VCAM1: variants seen among roughly 807,000 people sequenced by gnomAD.
VCAM1 encodes vascular cell adhesion molecule 1, also known as vascular cell adhesion protein 1.
VCAM1 carries 41 observed loss-of-function variants against 63.8 expected under a neutral mutation model. The observed-to-expected ratio is 0.64, with a 90% CI of 0.50 to 0.83. The LOEUF (loss-of-function observed/expected upper bound fraction) is 0.83. Among genes scored for constraint, VCAM1 ranks in the 40% least tolerant of loss-of-function variants. The pLI is 0.00. For missense variants in VCAM1, 798 were observed against 875.5 expected, an observed-to-expected ratio of 0.91 and a Z score of 1.12; for synonymous variants, 338 against 320.7, an observed-to-expected ratio of 1.05 and a Z score of -0.58.
At position 100,731,265 on chromosome 1, in the gene VCAM1, C is replaced by G. The variant is rs779131811; in HGVS notation, c.1272C>G (p.Ser424Arg). The change falls in exon 6 of 9, where the codon AGC becomes AGG. Residue 424 changes from serine to arginine, a missense_variant. Coordinates refer to ENST00000294728, the MANE Select transcript of VCAM1 (RefSeq NM_001078.4). The surrounding 1 kb of genome is among the most constrained non-coding windows in gnomAD (Gnocchi z 4.2). ...GLVNGSSVTV[S>R]CKVPSVYPLD... ...TGAATGGGAGCTCTGTCACTGTAAGCTGCAAGGTTCCTAGCGTGTACCCCC... is the reference window on the plus strand; with the variant it reads ...TGAATGGGAGCTCTGTCACTGTAAGGTGCAAGGTTCCTAGCGTGTACCCCC... 1.9e-5 allele frequency: 31 copies of G among 1,613,578 alleles called. No individual in the cohort carries two copies. The highest frequency in any genetic ancestry group is 2.5e-5 in the Non-Finnish European group (30 of 1,179,790).
In VCAM1 at chr1:100,732,484, A is replaced by G; in HGVS notation, c.1592A>G (p.Asn531Ser). The G allele has an allele frequency of 6.2e-7, 1 of 1,612,746 alleles. No individual in the cohort carries two copies. The highest frequency in any genetic ancestry group is 1.1e-5 in the South Asian group (1 of 90,676). ...ATCCTGGAGGAAGGCAGTTCTGTGA[A>G]TATGACATGCTTGAGCCAGGGCTTT... ...SSILEEGSSVNMTCLSQGFPA... is the reference protein window; with the variant it reads ...SSILEEGSSVSMTCLSQGFPA... The change falls in exon 7 of 9, where the codon AAT (asparagine) becomes AGT (serine). Residue 531 changes from asparagine to serine, a missense_variant. By Grantham distance (46) the Asn-to-Ser change is conservative. Transcript: ENST00000294728.
In VCAM1 at chr1:100,732,534, A is replaced by G; in HGVS notation, c.1642A>G (p.Arg548Gly). Residue 548 changes from arginine to glycine, a missense_variant, in exon 7 of 9, where the codon AGG becomes GGG. Arg to Gly is a moderately radical substitution (Grantham distance 125, BLOSUM62 -2). Coordinates refer to ENST00000294728, the MANE Select transcript of VCAM1 (RefSeq NM_001078.4). ...GFPAPKILWSRQLPNGELQPL... is the reference protein window; with the variant it reads ...GFPAPKILWSGQLPNGELQPL... The stretch of plus-strand genomic sequence containing the variant: ...TCCTGCTCCGAAAATCCTGTGGAGC[A>G]GGCAGCTCCCTAACGGGGAGCTACA... The G allele has an allele frequency of 6.2e-7, 1 of 1,613,026 alleles. No homozygotes were observed.
At chr1:100,737,971 A>G in intron 8 of VCAM1, 152 bp from the exon 9 acceptor site, 3 of 753,982 alleles carry the variant, frequency 4.0e-6, no homozygotes, top group South Asian at 1.9e-5. Flanking sequence ...TCAGACAAAC[A>G]TGCATCTTGG....
chr1:100,730,894 T>C (rs1454923796), intron 5 of VCAM1, among the ~76,000 whole-genome samples: 1 of 152,118 alleles, frequency 6.6e-6, no homozygotes, highest in Non-Finnish European at 1.5e-5. Flanking sequence ...TGGTGGAAAC[T>C]GATGTATACT....
rs375366095 is a variant in VCAM1, at chr1:100,724,383, G to C, written c.662-241G>C. On this transcript the variant is annotated intron_variant, in intron 3 of 8. Coordinates refer to ENST00000294728, the MANE Select transcript of VCAM1 (RefSeq NM_001078.4). ...CCTTAAGTGGGAGGTTAAGCCACAT[G>C]GTTTTTCTTAATTTCTGAGTATCTA... 4.5e-4 allele frequency among the ~76,000 whole-genome samples: 68 copies of C among 152,038 alleles called. 2 individuals are homozygous for C. In the South Asian group the frequency reaches 0.014, roughly 32 times the overall value.
Position 100,731,616 on chromosome 1 carries a change from G to A in VCAM1, c.1525+98G>A. 1 of 1,184,924 alleles carries A rather than the reference G, an allele frequency of 8.4e-7. No individual in the cohort carries two copies. The highest frequency in any genetic ancestry group is 1.2e-6 in the Non-Finnish European group (1 of 857,936). The allele number at this position is 1,184,924 out of a possible 1,614,324, so 73.4% of individuals were successfully genotyped here. On this transcript the variant is annotated intron_variant, in intron 6 of 8. Coordinates refer to ENST00000294728, the MANE Select transcript of VCAM1 (RefSeq NM_001078.4). The surrounding 1 kb of genome is among the most constrained non-coding windows in gnomAD (Gnocchi z 4.2). ...TAAGGTTAATCGTTAAAACCTCTGT[G>A]GAGAAAAAACGTTACTGAAAAGAAA...
rs554764015 is a variant in VCAM1 at position 100,725,456 on chromosome 1, C to T, written c.928+566C>T. 5.9e-5 allele frequency among the ~76,000 whole-genome samples: 9 copies of T among 152,142 alleles called. No homozygotes were observed. The East Asian group carries it at 1.7e-3, about 30-fold the overall frequency. On this transcript the variant is annotated intron_variant, in intron 4 of 8. Transcript: ENST00000294728. ...TCTGGCACTTTCCATATGCCATCCT[C>T]AAGAAATAACTAAAAAGTAAGTATT...
At chr1:100,737,857 C>A in intron 8 of VCAM1, 1 of 249,966 alleles carries the variant, frequency 4.0e-6, no homozygotes, top group Non-Finnish European at 7.7e-6. Flanking sequence ...TTCCATTTTA[C>A]AACTGAACCT....
chr1:100,734,720 A>G lies in VCAM1; in HGVS notation c.2011A>G (p.Lys671Glu). Residue 671 changes from lysine (K) to glutamate (E), a missense_variant, in exon 8 of 9, where the codon AAA becomes GAA. Lys to Glu is a moderately conservative substitution (Grantham distance 56). Coordinates refer to ENST00000294728, the MANE Select transcript of VCAM1 (RefSeq NM_001078.4). The stretch of plus-strand genomic sequence containing the variant: ...TGCGGGAGTATATGAATGTGAATCT[A>G]AAAACAAAGTTGGCTCACAATTAAG... ...KDAGVYECES[K>E]NKVGSQLRSL... The G allele has an allele frequency of 3.7e-6, 6 of 1,613,986 alleles. No homozygotes were observed. Among genetic ancestry groups the G allele is most frequent in the Non-Finnish European group, 5.1e-6 (6 of 1,179,868 alleles).
At position 100,731,044 on chromosome 1, in the gene VCAM1, T is replaced by C. The variant is rs1660434581; in HGVS notation, c.1205-154T>C. ...ATTCATATATAATATCATAAATATG[T>C]CATTTATAAATACTGTCATTACTTA... On this transcript the variant is annotated intron_variant, in intron 5 of 8. Transcript: ENST00000294728. The surrounding 1 kb of genome is among the most constrained non-coding windows in gnomAD (Gnocchi z 4.2). Among the ~76,000 whole-genome samples the C allele has an allele frequency of 6.6e-6, 1 of 152,146 alleles. No homozygotes were observed. Among genetic ancestry groups the C allele is most frequent in the Admixed American group, 6.5e-5 (1 of 15,280 alleles).
In VCAM1 at chr1:100,731,338, A is replaced by G; in HGVS notation, c.1345A>G (p.Asn449Asp). The G allele has an allele frequency of 6.2e-7, 1 of 1,613,738 alleles. No homozygotes were observed. Residue 449 changes from asparagine to aspartate, a missense_variant, in exon 6 of 9, where the codon AAT becomes GAT. By Grantham distance (23) the Asn-to-Asp change is conservative. Coordinates refer to ENST00000294728, the MANE Select transcript of VCAM1 (RefSeq NM_001078.4). The surrounding 1 kb of genome is among the most constrained non-coding windows in gnomAD (Gnocchi z 4.2). ...ELLKGETILE[N>D]IEFLEDTDMK... ...ACTTAAGGGGGAGACTATTCTGGAG[A>G]ATATAGAGTTTTTGGAGGATACGGA...
chr1:100,737,356 G>A (rs762610594), intron 8 of VCAM1: 6 of 152,110 alleles, frequency 3.9e-5, no homozygotes, highest in Non-Finnish European at 8.8e-5. Flanking sequence ...ATGGATAAAT[G>A]TTTAATTAAA....
chr1:100,720,330 T>C, intron 1 of VCAM1, 146 bp from the exon 2 acceptor site: 1 of 1,113,062 alleles, frequency 9.0e-7, no homozygotes, highest in Non-Finnish European at 1.3e-6. Context: ...GTGACTTCGG[T>C]GCTTTTTGGC....
At position 100,734,783 on chromosome 1, in the gene VCAM1, A is replaced by T. The variant is rs756276432; in HGVS notation, c.2059+15A>T. 1.2e-6 allele frequency: 2 copies of T among 1,611,060 alleles called. No homozygotes were observed. Among genetic ancestry groups the T allele is most frequent in the Non-Finnish European group, 1.7e-6 (2 of 1,178,582 alleles). On this transcript the variant is annotated intron_variant, in intron 8 of 8. Transcript: ENST00000294728. ...TGATGTTCAAGGTGAGTTTGTTTTG[A>T]GTTTTTGTTTTCTTGGTAATAGTTC... is the stretch of plus-strand genomic sequence containing the variant.
Position 100,738,294 on chromosome 1 carries a change from A to G in VCAM1, c.*11A>G, listed in dbSNP as rs2100838130. The G allele has an allele frequency of 1.2e-6, 2 of 1,611,758 alleles. No individual in the cohort carries two copies. Among genetic ancestry groups the G allele is most frequent in the East Asian group, 2.2e-5 (1 of 44,778 alleles). ...AAGTCAAAAGTGTAGCTAATGCTTG[A>G]TATGTTCAACTGGAGACACTATTTA... On this transcript the variant is annotated 3_prime_UTR_variant, in exon 9 of 9. Coordinates refer to ENST00000294728, the MANE Select transcript of VCAM1 (RefSeq NM_001078.4).
At chr1:100,737,921 A>G (rs557681893) in intron 8 of VCAM1, 2 of 515,794 alleles carry the variant, frequency 3.9e-6, no homozygotes, top group Non-Finnish European at 6.8e-6. Flanking sequence ...CTTTAGATCC[A>G]TCATGACCAT....
In VCAM1 at chr1:100,723,344, A is replaced by C. The variant is rs1660036620; in HGVS notation, c.661+4A>C. 2 of 1,610,710 alleles carry C rather than the reference A, an allele frequency of 1.2e-6. No individual in the cohort carries two copies. The highest frequency in any genetic ancestry group is 1.7e-5 in the Admixed American group (1 of 59,782). On this transcript the variant is annotated splice_donor_region_variant and intron_variant, in intron 3 of 8. Coordinates refer to ENST00000294728, the MANE Select transcript of VCAM1 (RefSeq NM_001078.4). Reference sequence around the variant, plus strand: ...GTAAAAGAATTGCAAGTCTACAGTAAGTACTTGTGCGATGTGTTCCAGTCT... The same window carrying C: ...GTAAAAGAATTGCAAGTCTACAGTACGTACTTGTGCGATGTGTTCCAGTCT...
chr1:100,719,893 C>T lies in VCAM1; in HGVS notation c.33C>T (p.Ala11=), dbSNP rs1291092447. MPGKMVVILG[A]SNILWIMFAA... is the part of the protein sequence containing the mutation. ...GGAAGATGGTCGTGATCCTTGGAGC[C>T]TCAAATATACTTTGGATAATGTTTG... The change falls in exon 1 of 9, where the codon GCC becomes GCT. Residue 11 remains alanine, a synonymous_variant. Coordinates refer to ENST00000294728, the MANE Select transcript of VCAM1 (RefSeq NM_001078.4). 6.2e-7 allele frequency: 1 copy of T among 1,610,932 alleles called. No individual in the cohort carries two copies. Among genetic ancestry groups the T allele is most frequent in the African/African-American group, 1.3e-5 (1 of 74,766 alleles).
chr1:100,724,170 A>G (rs1386151660), intron 3 of VCAM1, among the ~76,000 whole-genome samples: 2 of 152,116 alleles, frequency 1.3e-5, no homozygotes, highest in Non-Finnish European at 2.9e-5. Context: ...ACAGGGCTGA[A>G]TTATGGCCAA....
Sources: allele counts gnomAD v4.1 joint callset (sites outside exome capture counted in the v4.1 genomes callset), GRCh38; gene constraint gnomAD v4.1.1; non-coding constraint Gnocchi (gnomAD v3.1); transcripts MANE v1.5; gene names NCBI Gene and HGNC (gene_info 2026-07-23, HGNC 2026-07-21).